AKTIP: variants seen among roughly 807,000 people sequenced by gnomAD.
AKTIP encodes the protein AKT-interacting protein.
In AKTIP, 16 loss-of-function variants were observed where a neutral mutation model predicts 39.1. The observed-to-expected ratio is 0.41, with a 90% CI of 0.28 to 0.62. The LOEUF is 0.62. Ranked by LOEUF, AKTIP falls within the 20% of genes least tolerant of loss-of-function variation. AKTIP has a pLI of 0.32. For synonymous variants in AKTIP, 93 were observed against 124.3 expected (o/e 0.75, Z 1.67); for missense variants, 262 against 356.6 (o/e 0.73, Z 2.14).
chr16:53,498,264 C>T, intron 3 of AKTIP, 127 bp downstream of exon 3: 1 of 965,734 alleles, frequency 1.0e-6, no homozygotes, highest in African/African-American at 1.6e-5. Context: ...AAGTCTGATA[C>T]TGGAAAGGGA....
At chr16:53,504,103 T>C (rs1962337912), upstream of AKTIP, among the ~76,000 whole-genome samples, 1 of 149,056 alleles carries the variant, frequency 6.7e-6, no homozygotes, top group East Asian at 1.9e-4. Context: ...TTTTTTTTTT[T>C]TTTTTTAATT....
intron 5 of AKTIP, 121 bp from the exon 6 acceptor site, chr16:53,494,726 C>T: frequency 1.0e-6 from 1 of 999,020 alleles, no homozygotes; most frequent in Non-Finnish European, 1.5e-6. Flanking sequence ...AGCTAAAGAG[C>T]TGCCTCAAGA....
At chr16:53,492,922 A>G (rs1419605195) in intron 8 of AKTIP, 169 bp from the exon 9 acceptor site, 8 of 613,068 alleles carry the variant, frequency 1.3e-5, no homozygotes, top group African/African-American at 9.3e-5. Context: ...TCACATAACT[A>G]TCCCTCATAC....
chr16:53,500,146 C>T (rs1037111177), intron 2 of AKTIP, 72 bp downstream of exon 2: 2 of 1,184,048 alleles, frequency 1.7e-6, no homozygotes, highest in Non-Finnish European at 2.5e-6. Context: ...ATTATTTTAG[C>T]CTTCATTCTG....
At position 53,495,378 on chromosome 16, in the gene AKTIP, G is replaced by C. The variant is rs7200194; in HGVS notation, c.249-52C>G. On this transcript the variant is annotated intron_variant, in intron 3 of 9. Coordinates refer to ENST00000394657, the MANE Select transcript of AKTIP (RefSeq NM_022476.4). ...TGTGTGGATACAAATGACACATGCA[G>C]ATCAAACCACCCCACATTCACTTTG... 7.7e-3 allele frequency: 11,936 copies of C among 1,550,670 alleles called. 538 individuals are homozygous for C. In the African/African-American group the frequency reaches 0.12, roughly 15 times the overall value.
Position 53,494,347 on chromosome 16 carries a change from A to G in AKTIP, c.594T>C (p.Ala198=), listed in dbSNP as rs1179649582. The G allele has an allele frequency of 1.9e-6, 3 of 1,614,086 alleles. No individual in the cohort carries two copies. The highest frequency in any genetic ancestry group is 1.3e-5 in the African/African-American group (1 of 74,944). Residue 198 remains alanine, a synonymous_variant, in exon 7 of 10, where the codon GCT becomes GCC. Coordinates refer to ENST00000394657, the MANE Select transcript of AKTIP (RefSeq NM_022476.4). ...AAGCAAAAGTTACATACAGTACTGCAGCCTCTGGGTTCAGGGGGCTTGCTG... is the reference window on the plus strand; with the variant it reads ...AAGCAAAAGTTACATACAGTACTGCGGCCTCTGGGTTCAGGGGGCTTGCTG... ...IDTASPLNPE[A]AVLYEKDIQL... is the part of the protein sequence containing the mutation.
At chr16:53,502,482 C>A (rs1372401850) in intron 1 of AKTIP, among the ~76,000 whole-genome samples, 1 of 152,212 alleles carries the variant, frequency 6.6e-6, no homozygotes, top group African/African-American at 2.4e-5. Flanking sequence ...AACATGAGTG[C>A]TGCTGTTACT....
chr16:53,492,639 C>T (rs9931702), intron 9 of AKTIP, 54 bp downstream of exon 9: 739,142 of 1,604,694 alleles, frequency 0.46, 179,698 homozygotes, highest in African/African-American at 0.81. Context: ...CAAATGAAGA[C>T]ATTTTAGAAA....
chr16:53,497,150 T>G (rs1961887550), intron 3 of AKTIP, among the ~76,000 whole-genome samples: 1 of 152,160 alleles, frequency 6.6e-6, no homozygotes. Flanking sequence ...TGATGGAAAT[T>G]AAGAATTCTC....
At chr16:53,503,554 G>C (rs559947059), upstream of AKTIP, among the ~76,000 whole-genome samples, 1 of 152,248 alleles carries the variant, frequency 6.6e-6, no homozygotes, top group Non-Finnish European at 1.5e-5. Context: ...CAAGCGCCGG[G>C]TCACAATTGG....
upstream of AKTIP, chr16:53,503,269 G>A (rs1459099829): frequency 1.4e-5 from 1 of 70,456 alleles, no homozygotes; most frequent in Non-Finnish European, 3.0e-5. Flanking sequence ...GCCCTGCCCT[G>A]CCCTGCCCTG....
Position 53,492,336 on chromosome 16 carries a change from G to T in AKTIP, c.*76C>A. The T allele has an allele frequency of 7.9e-7, 1 of 1,259,766 alleles. No individual in the cohort carries two copies. The highest frequency in any genetic ancestry group is 2.3e-5 in the East Asian group (1 of 43,158). 78.0% of individuals were successfully genotyped at this position (1,259,766 alleles called of 1,614,324 possible). On this transcript the variant is annotated 3_prime_UTR_variant, in exon 10 of 10. Transcript: ENST00000394657. ...TTCACACAGTTTTACTCTTCAGGCAGTCCTCTGCCATTGGTCAGCTTGAAC... is the reference window on the plus strand; with the variant it reads ...TTCACACAGTTTTACTCTTCAGGCATTCCTCTGCCATTGGTCAGCTTGAAC...
upstream of AKTIP, among the ~76,000 whole-genome samples, chr16:53,503,512 G>A (rs1451291122): frequency 2.0e-5 from 3 of 152,168 alleles, no homozygotes; most frequent in East Asian, 3.9e-4. Flanking sequence ...TGGAAGTATC[G>A]GCCCCCCGGG....
chr16:53,494,296 C>T, intron 7 of AKTIP, 43 bp downstream of exon 7: 1 of 1,610,634 alleles, frequency 6.2e-7, no homozygotes, highest in African/African-American at 1.3e-5. Context: ...TACTTAGCTG[C>T]ATCTTCAAAT....
chr16:53,498,725 T>C, intron 2 of AKTIP, 129 bp from the exon 3 acceptor site: 1 of 940,764 alleles, frequency 1.1e-6, no homozygotes, highest in Non-Finnish European at 1.6e-6. Flanking sequence ...ATGACCAAGA[T>C]GACTAGAAAG....
chr16:53,494,917 C>T (rs757190401), intron 5 of AKTIP, 156 bp downstream of exon 5: 1 of 784,266 alleles, frequency 1.3e-6, no homozygotes, highest in South Asian at 1.5e-5. Context: ...TGATGGCATG[C>T]CGGAAGCTGC....
At chr16:53,500,846 C>G (rs144273553) in intron 1 of AKTIP, among the ~76,000 whole-genome samples, 17 of 152,310 alleles carry the variant, frequency 1.1e-4, no homozygotes, top group African/African-American at 4.1e-4. Flanking sequence ...TTCTTTCACA[C>G]TTAGATGTCT....
upstream of AKTIP, chr16:53,504,192 T>G (rs1345566058): frequency 6.6e-6 from 1 of 151,674 alleles, no homozygotes; most frequent in Non-Finnish European, 1.5e-5. Flanking sequence ...TGCTGCCAGC[T>G]GCTTTCCAGG....
intron 8 of AKTIP, chr16:53,493,227 G>T: frequency 6.3e-6 from 1 of 159,662 alleles, no homozygotes; most frequent in Non-Finnish European, 1.4e-5. Flanking sequence ...GCAATGCCAA[G>T]ATCTTGGCTC....
Sources: gnomAD v4.1 joint callset for allele counts (sites outside exome capture counted in the v4.1 genomes callset) on GRCh38, gnomAD v4.1.1 for gene constraint, MANE v1.5 for transcripts, NCBI Gene and HGNC (gene_info 2026-07-23, HGNC 2026-07-21) for gene names.